Variants in GAB1 observed in about 807,000 individuals in gnomAD.
GAB1 encodes the protein GRB2-associated-binding protein 1.
A neutral mutation model predicts 66.5 loss-of-function variants in GAB1; 19 were observed. The observed-to-expected ratio is 0.29, with a 90% CI of 0.20 to 0.42. The LOEUF (loss-of-function observed/expected upper bound fraction) is 0.42, where lower values mean the gene tolerates loss of function less well. Ranked by LOEUF, GAB1 falls within the 10% of genes least tolerant of loss-of-function variation. GAB1 has a pLI of 1.00. For missense variants in GAB1, 732 were observed against 858.5 expected, an observed-to-expected ratio of 0.85 and a Z score of 1.84; for synonymous variants, 294 against 301.4, an observed-to-expected ratio of 0.98 and a Z score of 0.25.
intron 2 of GAB1, among the ~76,000 whole-genome samples, chr4:143,423,003 G>T (rs1242662925): frequency 1.3e-5 from 2 of 152,138 alleles, no homozygotes; most frequent in Non-Finnish European, 2.9e-5. Context: ...AAGCAAAATG[G>T]TCTATTCTAT....
At chr4:143,458,800 G>C (rs1021128782) in intron 6 of GAB1, among the ~76,000 whole-genome samples, 1 of 151,956 alleles carries the variant, frequency 6.6e-6, no homozygotes, top group Non-Finnish European at 1.5e-5. Flanking sequence ...TTTCAGAGCG[G>C]AGTTTGGATC....
At chr4:143,433,375 A>G (rs1733775579) in intron 2 of GAB1, 116 bp from the exon 3 acceptor site, 4 of 704,706 alleles carry the variant, frequency 5.7e-6, no homozygotes, top group East Asian at 2.6e-5. Context: ...TTTAGCTGAC[A>G]TTGTCATGAT....
chr4:143,401,725 T>TA (rs1731783174), intron 1 of GAB1, among the ~76,000 whole-genome samples: 1 of 152,200 alleles, frequency 6.6e-6, no homozygotes, highest in Admixed American at 6.5e-5. Flanking sequence ...AAACCAAAGA[T>TA]ACATTCATCC....
At chr4:143,383,134 T>A (rs2149678139) in intron 1 of GAB1, among the ~76,000 whole-genome samples, 1 of 152,336 alleles carries the variant, frequency 6.6e-6, no homozygotes. Flanking sequence ...CCTCTCCATT[T>A]TTAAGTCAAT....
At chr4:143,382,467 G>T (rs1730696217) in intron 1 of GAB1, among the ~76,000 whole-genome samples, 1 of 152,108 alleles carries the variant, frequency 6.6e-6, no homozygotes, top group African/African-American at 2.4e-5. Flanking sequence ...TTTTGTATTT[G>T]GGACTTGGGG....
At position 143,401,032 on chromosome 4, in the gene GAB1, C is replaced by T. The variant is rs115080882; in HGVS notation, c.73-14445C>T. On this transcript the variant is annotated intron_variant, in intron 1 of 9. Transcript: ENST00000262994. ...GTCAGTTATTCAACAAAATACAGAA[C>T]GGTGTTTTTGTTTTTATTTCTTTTT... Among the ~76,000 whole-genome samples, 260 of 150,596 alleles carry T rather than the reference C, an allele frequency of 1.7e-3. 2 individuals are homozygous for T. The highest frequency in any genetic ancestry group is 6.1e-3 in the African/African-American group (252 of 41,084).
chr4:143,461,981 A>G (rs1441203203), intron 8 of GAB1, among the ~76,000 whole-genome samples: 1 of 152,170 alleles, frequency 6.6e-6, no homozygotes, highest in Non-Finnish European at 1.5e-5. Flanking sequence ...TTAGCCAGGC[A>G]CAGTGGCATG....
chr4:143,442,496 C>T (rs1578722995), intron 6 of GAB1, among the ~76,000 whole-genome samples: 1 of 152,220 alleles, frequency 6.6e-6, no homozygotes. Context: ...TCAGGAAACA[C>T]CACTGTTTAT....
intron 2 of GAB1, among the ~76,000 whole-genome samples, chr4:143,429,787 C>A (rs1397373785): frequency 2.6e-5 from 4 of 152,202 alleles, no homozygotes; most frequent in Non-Finnish European, 4.4e-5. Flanking sequence ...AAAATGGATT[C>A]TTACTGCATT....
rs776463872 is a variant in GAB1, at chr4:143,337,145, G to A, written c.-44G>A. 7 of 1,534,032 alleles carry A rather than the reference G, an allele frequency of 4.6e-6. No individual in the cohort carries two copies. The highest frequency in any genetic ancestry group is 6.2e-6 in the Non-Finnish European group (7 of 1,133,490). On this transcript the variant is annotated 5_prime_UTR_variant, in exon 1 of 10. Transcript: ENST00000262994. ...CGTCGGCTGTGTCGGGAGCGCGCCC[G>A]CCGCCCCTCAGCTGCCCGGCCCGGA...
intron 7 of GAB1, among the ~76,000 whole-genome samples, chr4:143,459,847 C>T (rs1172275775): frequency 6.6e-6 from 1 of 151,952 alleles, no homozygotes; most frequent in African/African-American, 2.4e-5. Flanking sequence ...TTGGGATTCT[C>T]AATAATTTTT....
rs981257536 is a variant in GAB1, at chr4:143,408,129, G to A, written c.73-7348G>A. Among the ~76,000 whole-genome samples, 12 of 152,220 alleles carry A rather than the reference G, an allele frequency of 7.9e-5. 1 individual carries two copies. Among genetic ancestry groups the A allele is most frequent in the African/African-American group, 2.9e-4 (12 of 41,552 alleles). Reference sequence around the variant, plus strand: ...TATCTGTCTAGGCTGTTTCCTGGCTGAGACTCCTTCCACATGTATCCCGGA... The same window carrying A: ...TATCTGTCTAGGCTGTTTCCTGGCTAAGACTCCTTCCACATGTATCCCGGA... On this transcript the variant is annotated intron_variant, in intron 1 of 9. Coordinates refer to ENST00000262994, the MANE Select transcript of GAB1 (RefSeq NM_002039.4).
At position 143,438,448 on chromosome 4, in the gene GAB1, C is replaced by G; in HGVS notation, c.1043C>G (p.Pro348Arg). The G allele has an allele frequency of 6.2e-7, 1 of 1,614,032 alleles. No homozygotes were observed. Among genetic ancestry groups the G allele is most frequent in the Non-Finnish European group, 8.5e-7 (1 of 1,180,002 alleles). ...PDIPPPRPPK[P>R]HPAHDRSPVE... ...ATTCCTCCACCTCGGCCACCGAAAC[C>G]ACATCCAGCTCATGACCGATCTCCT... Residue 348 changes from proline to arginine, a missense_variant, in exon 4 of 10, where the codon CCA becomes CGA. By Grantham distance (103) the Pro-to-Arg change is moderately radical. This residue lies in a region of GAB1 where 427 missense variants were observed against 420.6 expected (regional missense o/e 1.02). Coordinates refer to ENST00000262994, the MANE Select transcript of GAB1 (RefSeq NM_002039.4).
intron 1 of GAB1, among the ~76,000 whole-genome samples, chr4:143,375,331 G>T (rs1020522033): frequency 2.6e-5 from 4 of 152,210 alleles, no homozygotes; most frequent in Admixed American, 2.6e-4. Flanking sequence ...CTCCTTAGTA[G>T]TATCTGCTAA....
At chr4:143,358,312 G>A (rs574189281) in intron 1 of GAB1, among the ~76,000 whole-genome samples, 2 of 152,228 alleles carry the variant, frequency 1.3e-5, no homozygotes, top group Non-Finnish European at 2.9e-5. Flanking sequence ...AATTGTAACA[G>A]CCTGTTTAAA....
At chr4:143,443,347 A>G (rs1185172924) in intron 6 of GAB1, among the ~76,000 whole-genome samples, 2 of 152,130 alleles carry the variant, frequency 1.3e-5, no homozygotes, top group Non-Finnish European at 2.9e-5. Context: ...TAGTTATGAT[A>G]CAGGAGAGGA....
intron 1 of GAB1, among the ~76,000 whole-genome samples, chr4:143,411,143 G>A (rs902893789): frequency 1.3e-5 from 2 of 152,090 alleles, no homozygotes; most frequent in African/African-American, 4.8e-5. Context: ...AGATTTAGGG[G>A]TGGAGATGGG....
At chr4:143,372,203 G>T (rs1730154947) in intron 1 of GAB1, among the ~76,000 whole-genome samples, 1 of 152,064 alleles carries the variant, frequency 6.6e-6, no homozygotes, top group South Asian at 2.1e-4. Context: ...TTGAACAACT[G>T]TAGAAGGTTA....
intron 1 of GAB1, among the ~76,000 whole-genome samples, chr4:143,351,879 T>A (rs1729241015): frequency 6.6e-6 from 1 of 152,238 alleles, no homozygotes; most frequent in Non-Finnish European, 1.5e-5. Flanking sequence ...ATAGAGGGGT[T>A]CATAAAGCTT....
Sources: allele counts gnomAD v4.1 joint callset (sites outside exome capture counted in the v4.1 genomes callset), GRCh38; gene constraint gnomAD v4.1.1; regional missense constraint gnomAD v4.1.1; transcripts MANE v1.5; gene names NCBI Gene and HGNC (gene_info 2026-07-23, HGNC 2026-07-21).